The following DCC variants were observed in gnomAD, a reference collection of about 807,000 sequenced individuals.
DCC encodes DCC netrin 1 receptor, also known as netrin receptor DCC.
A neutral mutation model predicts 172.5 loss-of-function variants in DCC; 58 were observed. That is an observed-to-expected ratio of 0.34 (90% CI 0.27 to 0.42). The LOEUF is 0.42. Among genes scored for constraint, DCC ranks in the 10% least tolerant of loss-of-function variants. The pLI is 1.00. For synonymous variants in DCC, 709 were observed against 644.5 expected, an observed-to-expected ratio of 1.10 and a Z score of -1.52; for missense variants, 1,740 against 1,791.0, an observed-to-expected ratio of 0.97 and a Z score of 0.51.
chr18:52,781,810 A>G (rs1246043028), intron 2 of DCC, among the ~76,000 whole-genome samples: 2 of 152,102 alleles, frequency 1.3e-5, no homozygotes, highest in African/African-American at 4.8e-5. Flanking sequence ...CAAAATTCTC[A>G]TCAATTGGAT....
rs2054864855 is a variant in DCC, at chr18:53,162,928, C to CT, written c.1418+5416_1418+5417insT. ...TCTCAGCACCTGGAACAGTGCTTAGCACATTATAGATACTCACTAAATATT... is the reference window on the plus strand; with the variant it reads ...TCTCAGCACCTGGAACAGTGCTTAGCTACATTATAGATACTCACTAAATATT... On this transcript the variant is annotated intron_variant, in intron 8 of 28. Transcript: ENST00000442544. Among the ~76,000 whole-genome samples, 5 of 152,208 alleles carry CT rather than the reference C, an allele frequency of 3.3e-5. No individual in the cohort carries two copies. The South Asian group carries it at 8.3e-4, about 25-fold the overall frequency.
rs1022067618 is a variant in DCC at position 53,531,782 on chromosome 18, A to T, written c.*1129A>T. ...GCCTACAGGGTCAGTGTTGGCAAGC[A>T]TTGGCCACCAGACCCTTTTGTTAAG... On this transcript the variant is annotated 3_prime_UTR_variant, in exon 29 of 29. Transcript: ENST00000442544. The T allele has an allele frequency of 1.3e-5, 2 of 152,208 alleles. No homozygotes were observed. Among genetic ancestry groups the T allele is most frequent in the Non-Finnish European group, 2.9e-5 (2 of 68,054 alleles). The allele number at this position is 152,208 out of a possible 1,614,324, so 9.4% of individuals were successfully genotyped here. A position where few individuals can be genotyped will look rare whatever the true frequency, so the allele number is the denominator to read the frequency against.
At chr18:52,525,938 A>G (rs2031968568) in intron 1 of DCC, among the ~76,000 whole-genome samples, 1 of 152,238 alleles carries the variant, frequency 6.6e-6, no homozygotes, top group East Asian at 1.9e-4. Flanking sequence ...ATTTCTGCTC[A>G]ACCTAACACC....
chr18:52,385,076 G>A (rs1286369562), intron 1 of DCC, among the ~76,000 whole-genome samples: 1 of 152,028 alleles, frequency 6.6e-6, no homozygotes, highest in Non-Finnish European at 1.5e-5. Flanking sequence ...CTTCTAGGGT[G>A]ATAAAAAGTG....
intron 1 of DCC, among the ~76,000 whole-genome samples, chr18:52,384,522 A>T (rs1047886138): frequency 1.3e-5 from 2 of 152,150 alleles, no homozygotes; most frequent in Non-Finnish European, 2.9e-5. Context: ...GTAGTTCAAG[A>T]TCACAAAAAA....
intron 19 of DCC, among the ~76,000 whole-genome samples, chr18:53,407,046 A>C (rs1909705786): frequency 6.6e-6 from 1 of 152,192 alleles, no homozygotes; most frequent in African/African-American, 2.4e-5. Context: ...CTTCAACTTT[A>C]GTTTGATCCC....
intron 1 of DCC, among the ~76,000 whole-genome samples, chr18:52,700,573 G>T (rs1012772135): frequency 6.6e-6 from 1 of 152,102 alleles, no homozygotes; most frequent in African/African-American, 2.4e-5. Context: ...CATGAACAAA[G>T]ATTATCTTAT....
At chr18:52,825,203 A>G (rs1464251685) in intron 2 of DCC, among the ~76,000 whole-genome samples, 2 of 152,162 alleles carry the variant, frequency 1.3e-5, no homozygotes, top group Non-Finnish European at 2.9e-5. Flanking sequence ...TAACCATCCT[A>G]TGATCCAAGT....
chr18:53,207,755 C>T lies in DCC; in HGVS notation c.1799C>T (p.Ala600Val), dbSNP rs761768493. 3.1e-6 allele frequency: 5 copies of T among 1,612,688 alleles called. No homozygotes were observed. The Admixed American group carries it at 6.7e-5, about 22-fold the overall frequency. Reference sequence around the variant, plus strand: ...ACCGAATATAGTCTTCGATTCTTAGCTTATAATCGCTATGGTCCGGGCGTC... The same window carrying T: ...ACCGAATATAGTCTTCGATTCTTAGTTTATAATCGCTATGGTCCGGGCGTC... ...KFTEYSLRFL[A>V]YNRYGPGVST... Residue 600 changes from alanine (A) to valine (V), a missense_variant, in exon 11 of 29, where the codon GCT becomes GTT. By Grantham distance (64) the Ala-to-Val change is moderately conservative. Transcript: ENST00000442544.
At chr18:52,994,279 G>A (rs2041443950) in intron 5 of DCC, among the ~76,000 whole-genome samples, 1 of 151,790 alleles carries the variant, frequency 6.6e-6, no homozygotes, top group Admixed American at 6.6e-5. Context: ...CAGATTCTTG[G>A]CAAATCTTTC....
At chr18:52,634,019 C>T (rs2034727488) in intron 1 of DCC, among the ~76,000 whole-genome samples, 1 of 152,226 alleles carries the variant, frequency 6.6e-6, no homozygotes, top group African/African-American at 2.4e-5. Context: ...CCAGACATGA[C>T]ATTCAGGGAG....
intron 12 of DCC, among the ~76,000 whole-genome samples, chr18:53,275,838 T>A (rs1476630315): frequency 6.6e-6 from 1 of 152,162 alleles, no homozygotes; most frequent in African/African-American, 2.4e-5. Flanking sequence ...AAAATAATTT[T>A]GTTACAATTT....
At chr18:52,965,928 A>G (rs2040922322) in intron 5 of DCC, among the ~76,000 whole-genome samples, 1 of 152,148 alleles carries the variant, frequency 6.6e-6, no homozygotes, top group East Asian at 1.9e-4. Context: ...TAAACCCATT[A>G]ATATGAGAGC....
intron 22 of DCC, among the ~76,000 whole-genome samples, chr18:53,448,159 T>C (rs1346160022): frequency 1.3e-5 from 2 of 150,790 alleles, no homozygotes; most frequent in South Asian, 2.1e-4. Flanking sequence ...ATTGTGAGAA[T>C]AGGTTAATTT....
intron 2 of DCC, among the ~76,000 whole-genome samples, chr18:52,854,261 C>T (rs1308230528): frequency 6.6e-6 from 1 of 151,970 alleles, no homozygotes; most frequent in Non-Finnish European, 1.5e-5. Flanking sequence ...TTATTCAAGG[C>T]CCATTTATTT....
intron 1 of DCC, among the ~76,000 whole-genome samples, chr18:52,365,979 A>T (rs78715538): frequency 0.011 from 1,728 of 152,294 alleles, 30 homozygotes; most frequent in East Asian, 0.065. Flanking sequence ...ACCTGTGTTT[A>T]AACTTAAGGC....
chr18:52,883,941 CCTT>C (rs1310343601), intron 2 of DCC, among the ~76,000 whole-genome samples: 1 of 151,118 alleles, frequency 6.6e-6, no homozygotes, highest in Non-Finnish European at 1.5e-5. Flanking sequence ...CTTTATTTCT[CCTT>C]CTTGCTTGAA....
At chr18:52,753,738 G>A (rs1487910913) in intron 2 of DCC, among the ~76,000 whole-genome samples, 2 of 152,100 alleles carry the variant, frequency 1.3e-5, no homozygotes, top group African/African-American at 4.8e-5. Flanking sequence ...TGAAAAAATG[G>A]TACTGACCAT....
chr18:52,966,358 T>A (rs925593989), intron 5 of DCC, among the ~76,000 whole-genome samples: 2 of 152,214 alleles, frequency 1.3e-5, no homozygotes, highest in Non-Finnish European at 2.9e-5. Flanking sequence ...GTACTGTTTT[T>A]GAATTGCGCA....
Sources: gnomAD v4.1 joint callset for allele counts (sites outside exome capture counted in the v4.1 genomes callset) on GRCh38, gnomAD v4.1.1 for gene constraint, MANE v1.5 for transcripts, NCBI Gene and HGNC (gene_info 2026-07-23, HGNC 2026-07-21) for gene names.